The following GFRA1 variants were observed in gnomAD, a reference collection of about 807,000 sequenced individuals.
GFRA1 encodes the protein GDNF family receptor alpha-1.
GFRA1 carries 16 observed loss-of-function variants against 51.6 expected under a neutral mutation model. That is an observed-to-expected ratio of 0.31 (90% confidence interval 0.21 to 0.47). The LOEUF (loss-of-function observed/expected upper bound fraction) is 0.47. Ranked by LOEUF, GFRA1 falls within the 20% of genes least tolerant of loss-of-function variation. The probability of loss-of-function intolerance (pLI) is 1.00; values close to 1 mark genes in which losing one functional copy is unlikely to be tolerated. For missense variants in GFRA1, 530 were observed against 594.3 expected, an observed-to-expected ratio of 0.89 and a Z score of 1.13; for synonymous variants, 270 against 241.3, an observed-to-expected ratio of 1.12 and a Z score of -1.10.
chr10:116,067,219 T>C (rs922426105), intron 9 of GFRA1, among the ~76,000 whole-genome samples: 4 of 152,242 alleles, frequency 2.6e-5, no homozygotes, highest in Non-Finnish European at 5.9e-5. Flanking sequence ...CACTGCATTG[T>C]CACCTACAGA....
intron 5 of GFRA1, among the ~76,000 whole-genome samples, chr10:116,187,756 G>A (rs939920195): frequency 2.0e-4 from 31 of 152,172 alleles, no homozygotes; most frequent in African/African-American, 7.5e-4. Flanking sequence ...GGCAGCAGTT[G>A]AAATGTAACT....
At chr10:116,064,614 T>A (rs1158300628) in intron 10 of GFRA1, 70 bp from the exon 11 acceptor site, 17 of 1,423,182 alleles carry the variant, frequency 1.2e-5, no homozygotes, top group Non-Finnish European at 1.5e-5. Context: ...CTTTACACTC[T>A]CTCTCCCCCC....
At chr10:116,259,488 A>T (rs1039900622) in intron 4 of GFRA1, among the ~76,000 whole-genome samples, 1 of 152,210 alleles carries the variant, frequency 6.6e-6, no homozygotes, top group Non-Finnish European at 1.5e-5. Flanking sequence ...GCAGTTCTGC[A>T]GGAATGGTTT....
upstream of GFRA1, among the ~76,000 whole-genome samples, chr10:116,274,190 T>G: frequency 8.4e-6 from 1 of 119,548 alleles, no homozygotes; most frequent in Admixed American, 7.9e-5. Context: ...TGACACACGC[T>G]CCCCTTCCCG....
chr10:116,192,175 C>T (rs1963328820), intron 5 of GFRA1, among the ~76,000 whole-genome samples: 1 of 152,152 alleles, frequency 6.6e-6, no homozygotes, highest in African/African-American at 2.4e-5. Context: ...GATATCAATG[C>T]CCCAGCTTTG....
chr10:116,260,386 A>T (rs2134755350), intron 4 of GFRA1, among the ~76,000 whole-genome samples: 1 of 152,344 alleles, frequency 6.6e-6, no homozygotes, highest in East Asian at 1.9e-4. Context: ...ATACAAGTGT[A>T]TGTATGCCTA....
At chr10:116,168,906 C>T (rs1166732817) in intron 5 of GFRA1, among the ~76,000 whole-genome samples, 1 of 152,222 alleles carries the variant, frequency 6.6e-6, no homozygotes, top group Non-Finnish European at 1.5e-5. Flanking sequence ...AACAATTTCT[C>T]AGTACTTCAG....
In GFRA1 at chr10:116,270,475, C is replaced by T. The variant is rs941974081; in HGVS notation, c.334+347G>A. On this transcript the variant is annotated intron_variant, in intron 3 of 10. Transcript: ENST00000355422. ...CTTCCTATTATTATTGAGAGGCCAG[C>T]GAAAGCCCCAGGCTGGCTCTCCTTG... Among the ~76,000 whole-genome samples, 4 of 152,308 alleles carry T rather than the reference C, an allele frequency of 2.6e-5. No homozygotes were observed. In the East Asian group the frequency reaches 5.8e-4, roughly 22 times the overall value.
intron 6 of GFRA1, among the ~76,000 whole-genome samples, chr10:116,114,550 C>T (rs1217905400): frequency 1.3e-5 from 2 of 152,106 alleles, no homozygotes; most frequent in Non-Finnish European, 2.9e-5. Context: ...CCTCACAAAT[C>T]CTACTTTAAT....
At chr10:116,190,783 CTTTTCT>C (rs1258091660) in intron 5 of GFRA1, among the ~76,000 whole-genome samples, 1 of 152,240 alleles carries the variant, frequency 6.6e-6, no homozygotes, top group East Asian at 1.9e-4. Context: ...AAAGCCCTTC[CTTTTCT>C]CTTTGTGCAC....
At chr10:116,162,662 C>G (rs2134184248) in intron 5 of GFRA1, among the ~76,000 whole-genome samples, 1 of 152,336 alleles carries the variant, frequency 6.6e-6, no homozygotes, top group East Asian at 1.9e-4. Context: ...TTTCCACTAA[C>G]AGGATAGACT....
rs58590152 is a variant in GFRA1 at position 116,088,920 on chromosome 10, C to CAA, written c.1197+819_1197+820dup. On this transcript the variant is annotated intron_variant, in intron 9 of 10. Coordinates refer to ENST00000355422, the MANE Select transcript of GFRA1 (RefSeq NM_005264.8). Reference sequence around the variant, plus strand: ...TGGGTGACACAGCGAGACTCTGTCTCAAAAAAAAAAAAAAAAAAAAAAAAA... The same window carrying CAA: ...TGGGTGACACAGCGAGACTCTGTCTCAAAAAAAAAAAAAAAAAAAAAAAAAAA... Among the ~76,000 whole-genome samples the CAA allele has an allele frequency of 4.0e-3, 196 of 49,054 alleles. 15 individuals carry two copies. The highest frequency in any genetic ancestry group is 0.027 in the East Asian group (31 of 1,132). The allele number at this position is 49,054 out of a possible 152,430, so 32.2% of individuals were successfully genotyped here.
At chr10:116,081,676 G>T (rs112667373) in intron 9 of GFRA1, among the ~76,000 whole-genome samples, 1 of 152,132 alleles carries the variant, frequency 6.6e-6, no homozygotes, top group African/African-American at 2.4e-5. Flanking sequence ...TTAATGCCTG[G>T]CCATAAAAAG....
At chr10:116,098,331 G>C (rs745598537) in intron 6 of GFRA1, among the ~76,000 whole-genome samples, 2 of 152,206 alleles carry the variant, frequency 1.3e-5, no homozygotes, top group Non-Finnish European at 2.9e-5. Context: ...TGCCTTGCTG[G>C]TGTTTCCTGA....
At chr10:116,108,707 C>T (rs1957090564) in intron 6 of GFRA1, among the ~76,000 whole-genome samples, 1 of 152,196 alleles carries the variant, frequency 6.6e-6, no homozygotes, top group South Asian at 2.1e-4. Context: ...CCCACCAAGT[C>T]CCCTCACTGG....
intron 5 of GFRA1, among the ~76,000 whole-genome samples, chr10:116,146,232 T>C (rs1589823449): frequency 6.6e-6 from 1 of 152,180 alleles, no homozygotes; most frequent in East Asian, 1.9e-4. Context: ...TTTGTGGGGA[T>C]AGAAGCATTT....
intron 5 of GFRA1, among the ~76,000 whole-genome samples, chr10:116,174,891 A>C (rs756863937): frequency 2.6e-4 from 40 of 151,740 alleles, no homozygotes; most frequent in Non-Finnish European, 4.1e-4. Flanking sequence ...TGAGCTATGG[A>C]TTTATTGTAT....
intron 6 of GFRA1, among the ~76,000 whole-genome samples, chr10:116,098,336 T>G (rs1956688030): frequency 6.6e-6 from 1 of 152,232 alleles, no homozygotes; most frequent in African/African-American, 2.4e-5. Context: ...TGCTGGTGTT[T>G]CCTGACTTTA....
At chr10:116,194,406 A>C (rs1405249533) in intron 5 of GFRA1, among the ~76,000 whole-genome samples, 1 of 152,170 alleles carries the variant, frequency 6.6e-6, no homozygotes, top group East Asian at 1.9e-4. Flanking sequence ...CTGCAGATGA[A>C]CCCAGTAGAC....
Sources: gnomAD v4.1 joint callset for allele counts (sites outside exome capture counted in the v4.1 genomes callset) on GRCh38, gnomAD v4.1.1 for gene constraint, MANE v1.5 for transcripts, NCBI Gene and HGNC (gene_info 2026-07-23, HGNC 2026-07-21) for gene names.